Variants in PPM1A observed in about 807,000 individuals in gnomAD.
The protein encoded by PPM1A is protein phosphatase 1A.
In PPM1A, 7 loss-of-function variants were observed where a neutral mutation model predicts 35.0. The ratio of observed to expected loss-of-function variants is 0.20; its 90% CI spans 0.11 to 0.38. The LOEUF (loss-of-function observed/expected upper bound fraction) is 0.38. Among genes scored for constraint, PPM1A ranks in the 10% least tolerant of loss-of-function variants. The pLI is 1.00. For synonymous variants in PPM1A, 153 were observed against 167.3 expected (o/e 0.91, Z 0.66); for missense variants, 239 against 467.8 (o/e 0.51, Z 4.51).
At chr14:60,284,511 G>A (rs1277005707) in intron 2 of PPM1A, among the ~76,000 whole-genome samples, 10 of 151,818 alleles carry the variant, frequency 6.6e-5, no homozygotes, top group East Asian at 5.8e-4. Flanking sequence ...GTGTGGTGGC[G>A]GGCGCCTGTA....
In PPM1A at chr14:60,273,212, CTG is replaced by C. The variant is rs1376800606; in HGVS notation, c.-20-9469_-20-9468del. On this transcript the variant is annotated intron_variant, in intron 1 of 5. Coordinates refer to ENST00000395076, the MANE Select transcript of PPM1A (RefSeq NM_021003.5). The surrounding 1 kb of genome is among the most constrained non-coding windows in gnomAD (Gnocchi z 4.3). ...ATTTATTAATGATTTACTGTATACT[CTG>C]TGCTTGGGGAGTTGACCTAGGGAAC... Among the ~76,000 whole-genome samples, 1 of 152,084 alleles carries C rather than the reference CTG, an allele frequency of 6.6e-6. No individual in the cohort carries two copies. Among genetic ancestry groups the C allele is most frequent in the Admixed American group, 6.5e-5 (1 of 15,272 alleles).
At chr14:60,271,276 G>A (rs185704514) in intron 1 of PPM1A, among the ~76,000 whole-genome samples, 196 of 152,246 alleles carry the variant, frequency 1.3e-3, no homozygotes, top group African/African-American at 4.3e-3. Context: ...TCACTTAGAG[G>A]TCTCTGGATA....
Position 60,295,878 on chromosome 14 carries a change from A to C in PPM1A, c.*3396A>C, listed in dbSNP as rs1029848022. Reference sequence around the variant, plus strand: ...TTTACTCACCTGAAAACTGTTCTCCAGTTTATTTTCTTCTCTCTAAAGTTA... The same window carrying C: ...TTTACTCACCTGAAAACTGTTCTCCCGTTTATTTTCTTCTCTCTAAAGTTA... On this transcript the variant is annotated 3_prime_UTR_variant, in exon 6 of 6. Transcript: ENST00000395076. The C allele has an allele frequency of 4.0e-5, 6 of 151,666 alleles. No homozygotes were observed. Among genetic ancestry groups the C allele is most frequent in the African/African-American group, 1.4e-4 (6 of 41,380 alleles). The allele number at this position is 151,666 out of a possible 1,614,324, so 9.4% of individuals were successfully genotyped here.
Position 60,291,451 on chromosome 14 carries a change from C to G in PPM1A, c.1116C>G (p.Asp372Glu). Residue 372 changes from aspartate to glutamate, a missense_variant, in exon 5 of 6, where the codon GAC becomes GAG. Transcript: ENST00000395076. Reference sequence around the variant, plus strand: ...GACTGAATCCTTACAAAAATGACGACACTGTAAGTAGCATTTTAGCTCCCT... The same window carrying G: ...GACTGAATCCTTACAAAAATGACGAGACTGTAAGTAGCATTTTAGCTCCCT... ...YNRLNPYKND[D>E]TDSTSTDDMW 1 of 1,575,288 alleles carries G rather than the reference C, an allele frequency of 6.3e-7. No homozygotes were observed. Among genetic ancestry groups the G allele is most frequent in the Non-Finnish European group, 8.7e-7 (1 of 1,154,364 alleles).
At chr14:60,257,330 T>C (rs1279346643) in intron 1 of PPM1A, among the ~76,000 whole-genome samples, 1 of 152,194 alleles carries the variant, frequency 6.6e-6, no homozygotes, top group African/African-American at 2.4e-5. Context: ...AAACAGGTCT[T>C]GTTTCATTCA....
At chr14:60,291,504 T>TG (rs1471237728) in intron 5 of PPM1A, 50 bp downstream of exon 5, 1 of 1,418,988 alleles carries the variant, frequency 7.0e-7, no homozygotes, top group Non-Finnish European at 9.7e-7. Context: ...CCACTCTAAA[T>TG]GCATATCCTT....
upstream of PPM1A, among the ~76,000 whole-genome samples, chr14:60,246,565 A>G (rs1028724939): frequency 6.6e-6 from 1 of 152,324 alleles, no homozygotes; most frequent in African/African-American, 2.4e-5. Flanking sequence ...GAACATCCCA[A>G]ATATGTGTAG....
At chr14:60,270,160 T>C (rs1388580899) in intron 1 of PPM1A, among the ~76,000 whole-genome samples, 3 of 152,214 alleles carry the variant, frequency 2.0e-5, no homozygotes, top group Non-Finnish European at 4.4e-5. Context: ...TCCTGTTCGT[T>C]TTTACCCCTT....
At chr14:60,291,587 CT>C in intron 5 of PPM1A, 133 bp downstream of exon 5, 1 of 571,810 alleles carries the variant, frequency 1.7e-6, no homozygotes, top group Non-Finnish European at 2.8e-6. Context: ...GCTCTGAACT[CT>C]GCTTGCTCTG....
rs1248425853 is a variant in PPM1A, at chr14:60,292,465, A to G, written c.1132A>G (p.Thr378Ala). 2 of 1,602,896 alleles carry G rather than the reference A, an allele frequency of 1.2e-6. No individual in the cohort carries two copies. Among genetic ancestry groups the G allele is most frequent in the Admixed American group, 1.7e-5 (1 of 59,726 alleles). The change falls in exon 6 of 6, where the codon ACA becomes GCA. Residue 378 changes from threonine to alanine, a missense_variant. Coordinates refer to ENST00000395076, the MANE Select transcript of PPM1A (RefSeq NM_021003.5). The surrounding 1 kb of genome is among the most constrained non-coding windows in gnomAD (Gnocchi z 4.2). Reference protein sequence around the residue: ...YKNDDTDSTSTDDMW With the variant: ...YKNDDTDSTSADDMW ...TCCTTTTACAAAGGACTCTACATCA[A>G]CAGATGATATGTGGTAAAACTGCTC...
chr14:60,277,852 A>G (rs1595342183), intron 1 of PPM1A, among the ~76,000 whole-genome samples: 1 of 152,198 alleles, frequency 6.6e-6, no homozygotes, highest in East Asian at 1.9e-4. Context: ...TGTACAGATG[A>G]GGAAGTTGAG....
intron 1 of PPM1A, among the ~76,000 whole-genome samples, chr14:60,257,444 A>G (rs1566572399): frequency 6.6e-6 from 1 of 152,194 alleles, no homozygotes; most frequent in South Asian, 2.1e-4. Flanking sequence ...GAAATACAGC[A>G]GACTATGAGA....
rs1168868410 is a variant in PPM1A, at chr14:60,270,297, G to A, written c.-20-12387G>A. Among the ~76,000 whole-genome samples, 10 of 151,666 alleles carry A rather than the reference G, an allele frequency of 6.6e-5. No homozygotes were observed. The East Asian group carries it at 1.9e-3, about 29-fold the overall frequency. On this transcript the variant is annotated intron_variant, in intron 1 of 5. Transcript: ENST00000395076. ...CTCTGTTGATACTTTTTATATTCTG[G>A]TTTCTTTTCATCCCTGTTTCACAAA...
intron 1 of PPM1A, among the ~76,000 whole-genome samples, chr14:60,280,462 G>A (rs1410864781): frequency 6.6e-6 from 1 of 152,238 alleles, no homozygotes; most frequent in South Asian, 2.1e-4. Flanking sequence ...TGAATTCGTA[G>A]AGGAAGGAAG....
intron 1 of PPM1A, among the ~76,000 whole-genome samples, chr14:60,257,607 T>C (rs558193147): frequency 1.4e-4 from 21 of 152,202 alleles, no homozygotes; most frequent in Non-Finnish European, 2.5e-4. Flanking sequence ...TATTCAAGAA[T>C]TGTCTATTGT....
chr14:60,264,774 G>C (rs1884180037), intron 1 of PPM1A, among the ~76,000 whole-genome samples: 1 of 151,962 alleles, frequency 6.6e-6, no homozygotes, highest in Non-Finnish European at 1.5e-5. Context: ...TGTCCAGCTA[G>C]AGTTTATGTG....
intron 2 of PPM1A, among the ~76,000 whole-genome samples, chr14:60,284,722 CATATATAT>C (rs752315572): frequency 1.3e-4 from 15 of 112,426 alleles, no homozygotes; most frequent in Admixed American, 1.2e-3. Context: ...TATATATATA[CATATATAT>C]ATATATAATG....
chr14:60,291,331 G>A, intron 4 of PPM1A, 66 bp from the exon 5 acceptor site: 2 of 1,117,446 alleles, frequency 1.8e-6, no homozygotes, highest in Non-Finnish European at 1.3e-6. Context: ...TAAACACCTG[G>A]CTATGAGTTA....
In PPM1A at chr14:60,289,250, C is replaced by G. The variant is rs923615798; in HGVS notation, c.953-556C>G. 6.6e-6 allele frequency among the ~76,000 whole-genome samples: 1 copy of G among 152,014 alleles called. No individual in the cohort carries two copies. Among genetic ancestry groups the G allele is most frequent in the East Asian group, 1.9e-4 (1 of 5,196 alleles). On this transcript the variant is annotated intron_variant, in intron 3 of 5. Coordinates refer to ENST00000395076, the MANE Select transcript of PPM1A (RefSeq NM_021003.5). The surrounding 1 kb of genome is among the most constrained non-coding windows in gnomAD (Gnocchi z 4.1). ...AAAGGTACTTTAGAGAAGAATTAAACTGAGACAGTGATGTTCAAGTACATA... is the reference window on the plus strand; with the variant it reads ...AAAGGTACTTTAGAGAAGAATTAAAGTGAGACAGTGATGTTCAAGTACATA...
Sources: gnomAD v4.1 joint callset for allele counts (sites outside exome capture counted in the v4.1 genomes callset) on GRCh38, gnomAD v4.1.1 for gene constraint, Gnocchi (gnomAD v3.1) non-coding constraint, MANE v1.5 for transcripts, NCBI Gene and HGNC (gene_info 2026-07-23, HGNC 2026-07-21) for gene names.